The following COL4A2 variants were observed in gnomAD, a reference collection of about 807,000 sequenced individuals.
COL4A2 encodes the protein collagen type IV alpha 2 chain.
Under a neutral mutation model 200.2 loss-of-function variants are expected in COL4A2, and 99 were observed. That is an observed-to-expected ratio of 0.49 (90% CI 0.42 to 0.58). The LOEUF is 0.58. Ranked by LOEUF, COL4A2 falls within the 20% of genes least tolerant of loss-of-function variation. The probability of loss-of-function intolerance (pLI) is 0.00; values close to 1 mark genes in which losing one functional copy is unlikely to be tolerated. For missense variants in COL4A2, 1,950 were observed against 2,314.1 expected (o/e 0.84, Z 3.23); for synonymous variants, 897 against 900.6 (o/e 1.00, Z 0.07).
Position 110,360,967 on chromosome 13 carries a change from C to T in COL4A2, c.180+3415C>T, listed in dbSNP as rs989318429. On this transcript the variant is annotated intron_variant, in intron 4 of 47. Transcript: ENST00000360467. ...ACAGCCAGTCACTGGAGTGTGTTAACAATCAGCACACAGGGCTGCTCTGTT... is the reference window on the plus strand; with the variant it reads ...ACAGCCAGTCACTGGAGTGTGTTAATAATCAGCACACAGGGCTGCTCTGTT... 3.3e-5 allele frequency among the ~76,000 whole-genome samples: 5 copies of T among 152,236 alleles called. No individual in the cohort carries two copies. The East Asian group carries it at 5.8e-4, about 18-fold the overall frequency.
chr13:110,482,978 G>A (rs941409181), intron 32 of COL4A2, among the ~76,000 whole-genome samples: 14 of 152,112 alleles, frequency 9.2e-5, no homozygotes, highest in African/African-American at 2.4e-4. Flanking sequence ...AAGAGGGGGC[G>A]GTGAAAAGCA....
intron 4 of COL4A2, among the ~76,000 whole-genome samples, chr13:110,408,542 A>G (rs1394047311): frequency 1.3e-5 from 2 of 152,162 alleles, no homozygotes; most frequent in South Asian, 2.1e-4. Flanking sequence ...TTGCCACTGC[A>G]GTGTATCCAA....
chr13:110,397,275 C>CT (rs1879212958), intron 4 of COL4A2, among the ~76,000 whole-genome samples: 1 of 152,198 alleles, frequency 6.6e-6, no homozygotes, highest in Non-Finnish European at 1.5e-5. Flanking sequence ...AAATACAAGT[C>CT]TAACAGGGAA....
chr13:110,352,404 G>A (rs1283954162), intron 3 of COL4A2, among the ~76,000 whole-genome samples: 1 of 152,176 alleles, frequency 6.6e-6, no homozygotes, highest in African/African-American at 2.4e-5. Context: ...AAATTATGTG[G>A]GTTTAGTTGT....
chr13:110,363,846 C>T (rs896582242), intron 4 of COL4A2, among the ~76,000 whole-genome samples: 1 of 152,142 alleles, frequency 6.6e-6, no homozygotes, highest in Non-Finnish European at 1.5e-5. Context: ...TGGGTGTTTC[C>T]GTGGCTAGAG....
chr13:110,341,845 G>A (rs1876467961), intron 3 of COL4A2, among the ~76,000 whole-genome samples: 1 of 152,218 alleles, frequency 6.6e-6, no homozygotes, highest in South Asian at 2.1e-4. Context: ...CATAATAAAA[G>A]CGGATATGAA....
intron 31 of COL4A2, among the ~76,000 whole-genome samples, chr13:110,481,618 C>T (rs111765343): frequency 0.17 from 4,187 of 24,962 alleles, 157 homozygotes; most frequent in Middle Eastern, 0.23. Flanking sequence ...TGTTCTGTCC[C>T]TCCGTTGCTG....
intron 4 of COL4A2, among the ~76,000 whole-genome samples, chr13:110,381,114 A>G (rs1405793668): frequency 2.9e-5 from 4 of 139,646 alleles, no homozygotes; most frequent in South Asian, 2.3e-4. Context: ...CACGGGCTCT[A>G]TGTCACAACC....
intron 46 of COL4A2, among the ~76,000 whole-genome samples, chr13:110,506,880 G>A (rs574988379): frequency 1.2e-4 from 19 of 152,018 alleles, no homozygotes; most frequent in East Asian, 3.9e-4. Context: ...TCTGACCCCC[G>A]ACCCCTCTCC....
intron 3 of COL4A2, among the ~76,000 whole-genome samples, chr13:110,311,863 C>T (rs759779880): frequency 3.3e-5 from 5 of 152,222 alleles, no homozygotes; most frequent in Non-Finnish European, 7.3e-5. Context: ...CTGCCTGCCA[C>T]CCTGCCGCTT....
At position 110,489,783 on chromosome 13, in the gene COL4A2, C is replaced by A; in HGVS notation, c.3344C>A (p.Pro1115Gln). The A allele has an allele frequency of 6.2e-7, 1 of 1,606,864 alleles. No homozygotes were observed. The highest frequency in any genetic ancestry group is 1.1e-5 in the South Asian group (1 of 89,614). Residue 1115 changes from proline (P) to glutamine (Q), a missense_variant and splice_region_variant, in exon 36 of 48, where the codon CCA becomes CAA. Physicochemically the swap from Pro to Gln is moderately conservative, Grantham distance 76. Coordinates refer to ENST00000360467, the MANE Select transcript of COL4A2 (RefSeq NM_001846.4). ...GGGGAGCGGGGCACCACTGGAATACCAGGTACGCAAGTTATTTTCCTTGTC... is the reference window on the plus strand; with the variant it reads ...GGGGAGCGGGGCACCACTGGAATACAAGGTACGCAAGTTATTTTCCTTGTC... Reference protein sequence around the residue: ...LKGERGTTGIPGLKGFFGEKG... With the variant: ...LKGERGTTGIQGLKGFFGEKG...
chr13:110,389,057 C>T (rs1433877154), intron 4 of COL4A2, among the ~76,000 whole-genome samples: 4 of 152,212 alleles, frequency 2.6e-5, no homozygotes, highest in Admixed American at 2.0e-4. Flanking sequence ...ACCCATCCTT[C>T]CTTTGTGTCT....
intron 22 of COL4A2, among the ~76,000 whole-genome samples, chr13:110,460,455 G>A (rs1199486440): frequency 6.6e-6 from 1 of 152,234 alleles, no homozygotes; most frequent in Non-Finnish European, 1.5e-5. Context: ...TGCGTGGGGT[G>A]AGAACTGCAC....
In COL4A2 at chr13:110,480,404, T is replaced by C; in HGVS notation, c.2758+14T>C. 6.2e-7 allele frequency: 1 copy of C among 1,603,708 alleles called. No individual in the cohort carries two copies. The highest frequency in any genetic ancestry group is 1.1e-5 in the South Asian group (1 of 89,676). The stretch of plus-strand genomic sequence containing the variant: ...CCGGGCTAAAAGGTAATTGTGTGAC[T>C]GTGACCAGGGATCCCTTGGCGGGGA... On this transcript the variant is annotated intron_variant, in intron 31 of 47. Transcript: ENST00000360467.
intron 37 of COL4A2, among the ~76,000 whole-genome samples, chr13:110,491,709 A>G (rs1190963973): frequency 6.6e-6 from 1 of 152,174 alleles, no homozygotes; most frequent in Admixed American, 6.5e-5. Context: ...CTGGCTTCCC[A>G]CGCTGTTGCT....
chr13:110,479,438 A>G (rs1303232845), intron 30 of COL4A2, among the ~76,000 whole-genome samples: 2 of 152,264 alleles, frequency 1.3e-5, no homozygotes, highest in Non-Finnish European at 2.9e-5. Context: ...CTCTCTAGGA[A>G]AGGGGGACCA....
intron 6 of COL4A2, among the ~76,000 whole-genome samples, chr13:110,426,109 C>T (rs1277537678): frequency 6.6e-6 from 1 of 152,174 alleles, no homozygotes; most frequent in Non-Finnish European, 1.5e-5. Context: ...AGAATCTGCA[C>T]AACCCAAAGA....
chr13:110,447,532 T>C (rs1207339542), intron 18 of COL4A2, among the ~76,000 whole-genome samples: 1 of 152,194 alleles, frequency 6.6e-6, no homozygotes, highest in Non-Finnish European at 1.5e-5. Context: ...CACTTGGCTC[T>C]GAACCTTGTA....
At chr13:110,310,699 G>GA (rs1431025452) in intron 3 of COL4A2, among the ~76,000 whole-genome samples, 1 of 151,662 alleles carries the variant, frequency 6.6e-6, no homozygotes, top group Non-Finnish European at 1.5e-5. Flanking sequence ...GTCAGTTCAG[G>GA]AAAAAGGGCT....
Sources: allele counts gnomAD v4.1 joint callset (sites outside exome capture counted in the v4.1 genomes callset), GRCh38; gene constraint gnomAD v4.1.1; transcripts MANE v1.5; gene names NCBI Gene and HGNC (gene_info 2026-07-23, HGNC 2026-07-21).